GTSF1: variants seen among roughly 807,000 people sequenced by gnomAD.
GTSF1 encodes the protein gametocyte specific factor 1, also known as gametocyte-specific factor 1.
In GTSF1, 11 loss-of-function variants were observed where a neutral mutation model predicts 28.9. The observed-to-expected ratio is 0.38, with a 90% CI of 0.24 to 0.63. The LOEUF (loss-of-function observed/expected upper bound fraction) is 0.63. GTSF1 is among the 30% of genes least tolerant of loss of function. The pLI is 0.56. For missense variants in GTSF1, 146 were observed against 201.0 expected (o/e 0.73, Z 1.66); for synonymous variants, 69 against 65.6 (o/e 1.05, Z -0.25).
At chr12:54,469,040 G>A (rs1956559884) in intron 2 of GTSF1, 1 of 152,180 alleles carries the variant, frequency 6.6e-6, no homozygotes, top group Non-Finnish European at 1.5e-5. Flanking sequence ...CCAAGAATAA[G>A]TGTATATATA....
At chr12:54,462,038 C>A in intron 6 of GTSF1, 71 bp downstream of exon 6, 1 of 1,105,638 alleles carries the variant, frequency 9.0e-7, no homozygotes, top group Non-Finnish European at 1.4e-6. Context: ...ATTCATGCTC[C>A]GGTGGCTTCT....
rs548436830 is a variant in GTSF1 at position 54,460,664 on chromosome 12, G to A, written c.393-193C>T. On this transcript the variant is annotated intron_variant, in intron 6 of 8. Transcript: ENST00000305879. ...CACTTACTTCTCTGGAAAGCTCCCT[G>A]TTCTGTATAGACATTAAGATGGGTC... is the stretch of plus-strand genomic sequence containing the variant. Among the ~76,000 whole-genome samples, 3 of 152,284 alleles carry A rather than the reference G, an allele frequency of 2.0e-5. No homozygotes were observed. The East Asian group carries it at 5.8e-4, about 29-fold the overall frequency.
intron 7 of GTSF1, 90 bp from the exon 8 acceptor site, chr12:54,459,215 C>CACAGGAATAAGTCA: frequency 6.9e-7 from 1 of 1,447,520 alleles, no homozygotes; most frequent in Non-Finnish European, 9.4e-7. Context: ...TGACTTATTC[C>CACAGGAATAAGTCA]TGTGTATACT....
chr12:54,458,038 T>A (rs1371387434), intron 8 of GTSF1, among the ~76,000 whole-genome samples: 6 of 152,224 alleles, frequency 3.9e-5, no homozygotes, highest in Non-Finnish European at 5.9e-5. Context: ...GTGAACAGAC[T>A]GGAATGCAAG....
rs555551223 is a variant in GTSF1, at chr12:54,466,017, T to C, written c.17-850A>G. On this transcript the variant is annotated intron_variant, in intron 2 of 8. Transcript: ENST00000305879. ...TAGCCAGCTAAAAAAATAGGAACAA[T>C]GTGCAAAAACAGAACCTTCTGAGGT... Among the ~76,000 whole-genome samples, 226 of 152,246 alleles carry C rather than the reference T, an allele frequency of 1.5e-3. 2 individuals carry two copies. Among genetic ancestry groups the C allele is most frequent in the South Asian group, 0.014 (68 of 4,830 alleles).
At chr12:54,467,322 G>GTTTT (rs544650030) in intron 2 of GTSF1, among the ~76,000 whole-genome samples, 1 of 142,088 alleles carries the variant, frequency 7.0e-6, no homozygotes, top group Non-Finnish European at 1.6e-5. Context: ...TTTGTTTTTT[G>GTTTT]TTTTTTTTTT....
At chr12:54,462,082 ATGC>A in intron 6 of GTSF1, 24 bp downstream of exon 6, 1 of 1,578,588 alleles carries the variant, frequency 6.3e-7, no homozygotes. Context: ...TTGGGAGACA[ATGC>A]TGGGATAAGA....
At chr12:54,459,722 C>CTTTTTTTT (rs760438714) in intron 7 of GTSF1, 1 of 132,996 alleles carries the variant, frequency 7.5e-6, no homozygotes, top group South Asian at 2.1e-4. Context: ...GATATTATGC[C>CTTTTTTTT]TTTTTTTTTT....
intron 1 of GTSF1, among the ~76,000 whole-genome samples, 192 bp downstream of exon 1, chr12:54,473,352 CAT>C (rs1410307092): frequency 1.8e-4 from 27 of 151,948 alleles, no homozygotes; most frequent in Non-Finnish European, 3.7e-4. Context: ...TTAAAAAAAA[CAT>C]AGAAAAGGCG....
At position 54,471,122 on chromosome 12, in the gene GTSF1, C is replaced by T. The variant is rs1956588214; in HGVS notation, c.16+111G>A. 6.9e-6 allele frequency: 5 copies of T among 720,726 alleles called. No homozygotes were observed. In the South Asian group the frequency reaches 9.0e-5, roughly 13 times the overall value. 44.6% of individuals were successfully genotyped at this position (720,726 alleles called of 1,614,324 possible). On this transcript the variant is annotated intron_variant, in intron 2 of 8. Coordinates refer to ENST00000305879, the MANE Select transcript of GTSF1 (RefSeq NM_144594.3). ...GGCAATACCATAAAGACTTTTCCTC[C>T]TTAGCAGTTGAGAAGTCCGACTTCT...
In GTSF1 at chr12:54,459,722, C is replaced by CTT. The variant is rs760438714; in HGVS notation, c.488-599_488-598dup. On this transcript the variant is annotated intron_variant, in intron 7 of 8. Coordinates refer to ENST00000305879, the MANE Select transcript of GTSF1 (RefSeq NM_144594.3). ...TCCCAATTCCCTACTGATATTATGC[C>CTT]TTTTTTTTTTTTTTTTTTTTTTGAG... 3.6e-3 allele frequency: 479 copies of CTT among 133,378 alleles called. 1 individual carries two copies. The highest frequency in any genetic ancestry group is 4.5e-3 in the South Asian group (22 of 4,880). The allele number at this position is 133,378 out of a possible 1,614,324, so 8.3% of individuals were successfully genotyped here. A position where few individuals can be genotyped will look rare whatever the true frequency, so the allele number is the denominator to read the frequency against.
At chr12:54,459,166 T>G in intron 7 of GTSF1, 41 bp from the exon 8 acceptor site, 3 of 1,578,720 alleles carry the variant, frequency 1.9e-6, no homozygotes, top group Non-Finnish European at 2.6e-6. Context: ...ACCATGTCAA[T>G]TGAAATTCAC....
rs1956440088 is a variant in GTSF1, at chr12:54,462,551, A to G, written c.328+91T>C. 12 of 993,820 alleles carry G rather than the reference A, an allele frequency of 1.2e-5. No individual in the cohort carries two copies. The Admixed American group carries it at 2.1e-4, about 17-fold the overall frequency. The allele number at this position is 993,820 out of a possible 1,614,324, so 61.6% of individuals were successfully genotyped here. On this transcript the variant is annotated intron_variant, in intron 5 of 8. Coordinates refer to ENST00000305879, the MANE Select transcript of GTSF1 (RefSeq NM_144594.3). ...AATAAGGCATTCTGAACAACATGGT[A>G]TGTTCATAAAAAAGGAAAATCTTCC...
Position 54,471,278 on chromosome 12 carries a change from C to T in GTSF1, c.-29-1G>A. The T allele has an allele frequency of 6.3e-7, 1 of 1,583,384 alleles. No homozygotes were observed. ...GAAATGAAGAAGCTGAATCCAAGTG[C>T]TGGAAAAAACAAAAGTGTGATTCAG... On this transcript the variant is annotated splice_acceptor_variant, in intron 1 of 8. Coordinates refer to ENST00000305879, the MANE Select transcript of GTSF1 (RefSeq NM_144594.3). LOFTEE classifies it low-confidence loss of function (5UTR_SPLICE).
rs1956379405 is a variant in GTSF1 at position 54,459,133 on chromosome 12, T to C, written c.488-8A>G. ...GTTACTGTGCATTTCCATCTACAAGTAGAAATATTTCAAAATAAATACACC... is the reference window on the plus strand; with the variant it reads ...GTTACTGTGCATTTCCATCTACAAGCAGAAATATTTCAAAATAAATACACC... On this transcript the variant is annotated splice_region_variant and splice_polypyrimidine_tract_variant and intron_variant, in intron 7 of 8. Coordinates refer to ENST00000305879, the MANE Select transcript of GTSF1 (RefSeq NM_144594.3). The C allele has an allele frequency of 2.5e-6, 4 of 1,603,154 alleles. No individual in the cohort carries two copies. Among genetic ancestry groups the C allele is most frequent in the Non-Finnish European group, 3.4e-6 (4 of 1,172,366 alleles).
chr12:54,471,392 C>T (rs1403605467), intron 1 of GTSF1, 115 bp from the exon 2 acceptor site: 3 of 539,898 alleles, frequency 5.6e-6, no homozygotes, highest in Non-Finnish European at 9.7e-6. Flanking sequence ...TATAAGAAAC[C>T]TTTACTCTCC....
chr12:54,464,057 A>C (rs1300483969), intron 3 of GTSF1, among the ~76,000 whole-genome samples: 1 of 152,252 alleles, frequency 6.6e-6, no homozygotes, highest in Non-Finnish European at 1.5e-5. Flanking sequence ...GGAAAAGTAA[A>C]AATAATATGA....
Position 54,460,454 on chromosome 12 carries a change from A to C in GTSF1, c.410T>G (p.Val137Gly). The change falls in exon 7 of 9, where the codon GTT becomes GGT. Residue 137 changes from valine to glycine, a missense_variant. Val to Gly is a moderately radical substitution (Grantham distance 109). Coordinates refer to ENST00000305879, the MANE Select transcript of GTSF1 (RefSeq NM_144594.3). ...SDNNSPASNI[V>G]TEHKNNLASG... The stretch of plus-strand genomic sequence containing the variant: ...AGCCAGGTTATTCTTATGTTCTGTA[A>C]CTATGTTGCTCGCAGGGCTGCAAAA... The C allele has an allele frequency of 6.2e-7, 1 of 1,613,656 alleles. No individual in the cohort carries two copies. Among genetic ancestry groups the C allele is most frequent in the Non-Finnish European group, 8.5e-7 (1 of 1,179,648 alleles).
chr12:54,461,809 C>G (rs987500841), intron 6 of GTSF1, among the ~76,000 whole-genome samples: 1 of 152,028 alleles, frequency 6.6e-6, no homozygotes, highest in East Asian at 1.9e-4. Flanking sequence ...AGAATTTTTT[C>G]AAAGCATTAA....
Sources: gnomAD v4.1 joint callset for allele counts (sites outside exome capture counted in the v4.1 genomes callset) on GRCh38, gnomAD v4.1.1 for gene constraint, MANE v1.5 for transcripts, NCBI Gene and HGNC (gene_info 2026-07-23, HGNC 2026-07-21) for gene names.